FSHR: variants seen among roughly 807,000 people sequenced by gnomAD.
The protein encoded by FSHR is follicle-stimulating hormone receptor.
In FSHR, 46 loss-of-function variants were observed where a neutral mutation model predicts 52.1. The ratio of observed to expected loss-of-function variants is 0.88; its 90% CI spans 0.70 to 1.13. FSHR has a LOEUF of 1.13. FSHR is among the 50% of genes most tolerant of loss of function. The pLI is 0.00. For missense variants in FSHR, 964 were observed against 834.6 expected, an observed-to-expected ratio of 1.16 and a Z score of -1.91; for synonymous variants, 399 against 309.6, an observed-to-expected ratio of 1.29 and a Z score of -3.03.
chr2:48,991,746 C>G (rs1288057133), intron 4 of FSHR, among the ~76,000 whole-genome samples: 3 of 152,174 alleles, frequency 2.0e-5, no homozygotes, highest in Admixed American at 2.0e-4. Context: ...ACGCATTGTT[C>G]TTTGTCATTT....
intron 1 of FSHR, among the ~76,000 whole-genome samples, chr2:49,100,248 C>G (rs1310826265): frequency 6.6e-6 from 1 of 152,110 alleles, no homozygotes; most frequent in African/African-American, 2.4e-5. Flanking sequence ...CATGCTTGCT[C>G]TAGCATCCAT....
At chr2:49,060,816 C>T (rs1445611351) in intron 2 of FSHR, among the ~76,000 whole-genome samples, 4 of 152,034 alleles carry the variant, frequency 2.6e-5, no homozygotes, top group African/African-American at 9.7e-5. Context: ...GTACCCACTC[C>T]CCCCCGGCCC....
At chr2:49,070,518 A>G (rs1669690337) in intron 1 of FSHR, among the ~76,000 whole-genome samples, 1 of 152,172 alleles carries the variant, frequency 6.6e-6, no homozygotes, top group African/African-American at 2.4e-5. Context: ...AATTGTTTTA[A>G]ACTACGCAAC....
chr2:49,015,604 G>A (rs1339122010), intron 4 of FSHR, among the ~76,000 whole-genome samples: 2 of 152,140 alleles, frequency 1.3e-5, no homozygotes, highest in Admixed American at 6.6e-5. Flanking sequence ...TGAGGTGCAT[G>A]CTTTTTCTGT....
intron 3 of FSHR, 40 bp from the exon 4 acceptor site, chr2:49,017,603 A>T: frequency 7.0e-7 from 1 of 1,422,818 alleles, no homozygotes; most frequent in South Asian, 1.1e-5. Flanking sequence ...TCTTGATGGT[A>T]AGGAATGCTG....
In FSHR at chr2:49,115,478, G is replaced by A. The variant is rs190328285; in HGVS notation, c.152+38788C>T. Among the ~76,000 whole-genome samples the A allele has an allele frequency of 3.9e-5, 6 of 152,100 alleles. No homozygotes were observed. In the East Asian group the frequency reaches 5.8e-4, roughly 15 times the overall value. Reference sequence around the variant, plus strand: ...CTCGTAAACCAATAGTTGTTAATTCGGAATAAGTGCTAGGGTAAAAACAAA... The same window carrying A: ...CTCGTAAACCAATAGTTGTTAATTCAGAATAAGTGCTAGGGTAAAAACAAA... On this transcript the variant is annotated intron_variant, in intron 1 of 9. Coordinates refer to ENST00000406846, the MANE Select transcript of FSHR (RefSeq NM_000145.4).
intron 1 of FSHR, among the ~76,000 whole-genome samples, chr2:49,128,755 G>A (rs1411095142): frequency 1.3e-5 from 2 of 151,930 alleles, no homozygotes; most frequent in Non-Finnish European, 2.9e-5. Flanking sequence ...CTTTAAATGA[G>A]TCTCTGATTC....
intron 2 of FSHR, among the ~76,000 whole-genome samples, chr2:49,038,037 A>T (rs1668333334): frequency 6.6e-6 from 1 of 152,220 alleles, no homozygotes; most frequent in Non-Finnish European, 1.5e-5. Flanking sequence ...CTGGCAGCTG[A>T]CTTCACATAA....
At chr2:49,151,528 T>C (rs923529018) in intron 1 of FSHR, among the ~76,000 whole-genome samples, 3 of 152,102 alleles carry the variant, frequency 2.0e-5, no homozygotes, top group African/African-American at 7.2e-5. Context: ...CTGGCAGATG[T>C]ATCAAATGAA....
rs1275529217 is a variant in FSHR at position 49,069,013 on chromosome 2, C to G, written c.153-723G>C. Among the ~76,000 whole-genome samples the G allele has an allele frequency of 2.7e-4, 41 of 152,078 alleles. 1 individual carries two copies. Among genetic ancestry groups the G allele is most frequent in the Admixed American group, 2.7e-3 (41 of 15,230 alleles). ...TCATCTCATCTAAAAAAAGTCTTCT[C>G]TTAACCTCAGCTGACTTCAGCTTTT... is the stretch of plus-strand genomic sequence containing the variant. On this transcript the variant is annotated intron_variant, in intron 1 of 9. Transcript: ENST00000406846.
intron 1 of FSHR, among the ~76,000 whole-genome samples, chr2:49,144,230 G>A (rs1429350284): frequency 1.3e-5 from 2 of 152,126 alleles, no homozygotes; most frequent in East Asian, 3.9e-4. Context: ...AGATTCTGAT[G>A]CAGCAATTCC....
In FSHR at chr2:49,151,956, A is replaced by C. The variant is rs17038376; in HGVS notation, c.152+2310T>G. On this transcript the variant is annotated intron_variant, in intron 1 of 9. Coordinates refer to ENST00000406846, the MANE Select transcript of FSHR (RefSeq NM_000145.4). Reference sequence around the variant, plus strand: ...AAATAATTTTCCTTTTTTAAAATCTAATAGACAAAGCAACATTTCTCTTCT... The same window carrying C: ...AAATAATTTTCCTTTTTTAAAATCTCATAGACAAAGCAACATTTCTCTTCT... Among the ~76,000 whole-genome samples, 697 of 152,272 alleles carry C rather than the reference A, an allele frequency of 4.6e-3. 4 individuals are homozygous for C. Among genetic ancestry groups the C allele is most frequent in the African/African-American group, 0.014 (599 of 41,564 alleles).
intron 1 of FSHR, among the ~76,000 whole-genome samples, chr2:49,103,347 AGT>A (rs1443884115): frequency 6.6e-6 from 1 of 152,178 alleles, no homozygotes; most frequent in African/African-American, 2.4e-5. Context: ...CACATCAAAA[AGT>A]GGCACTGGCA....
chr2:49,060,208 G>C (rs140751975), intron 2 of FSHR, among the ~76,000 whole-genome samples: 27 of 152,194 alleles, frequency 1.8e-4, no homozygotes, highest in African/African-American at 5.5e-4. Context: ...TGAGGATGCA[G>C]AGAAAAAGGT....
intron 1 of FSHR, among the ~76,000 whole-genome samples, chr2:49,120,703 T>C (rs1671785776): frequency 1.2e-5 from 1 of 86,932 alleles, no homozygotes; most frequent in African/African-American, 4.1e-5. Flanking sequence ...ACTTTGGACA[T>C]ATTATACAAC....
chr2:48,998,436 A>G (rs1442430596), intron 4 of FSHR, among the ~76,000 whole-genome samples: 1 of 152,112 alleles, frequency 6.6e-6, no homozygotes, highest in Admixed American at 6.6e-5. Context: ...TTTTCTAACC[A>G]GTTTGTTTCT....
intron 4 of FSHR, among the ~76,000 whole-genome samples, chr2:48,992,868 C>T (rs1376501513): frequency 6.6e-6 from 1 of 152,156 alleles, no homozygotes; most frequent in African/African-American, 2.4e-5. Flanking sequence ...AATCTATTTT[C>T]ATCCCATAAC....
At position 49,149,542 on chromosome 2, in the gene FSHR, AGAAAAG is replaced by A. The variant is rs1221389508; in HGVS notation, c.152+4718_152+4723del. On this transcript the variant is annotated intron_variant, in intron 1 of 9. Coordinates refer to ENST00000406846, the MANE Select transcript of FSHR (RefSeq NM_000145.4). ...GAATGTTAATCCTCAGAATACTCTT[AGAAAAG>A]TGGCTCAGTTTGCAAACATCAAAAA... 2.6e-5 allele frequency among the ~76,000 whole-genome samples: 4 copies of A among 152,080 alleles called. No individual in the cohort carries two copies. In the East Asian group the frequency reaches 7.7e-4, roughly 29 times the overall value.
intron 1 of FSHR, among the ~76,000 whole-genome samples, chr2:49,070,364 C>T (rs1669683472): frequency 6.6e-6 from 1 of 152,210 alleles, no homozygotes; most frequent in South Asian, 2.1e-4. Flanking sequence ...TCTAGAATAT[C>T]TATCTAAAAT....
Sources: gnomAD v4.1 joint callset for allele counts (sites outside exome capture counted in the v4.1 genomes callset) on GRCh38, gnomAD v4.1.1 for gene constraint, MANE v1.5 for transcripts, NCBI Gene and HGNC (gene_info 2026-07-23, HGNC 2026-07-21) for gene names.